MAPKAP1: variants seen among roughly 807,000 people sequenced by gnomAD.
MAPKAP1 encodes target of rapamycin complex 2 subunit MAPKAP1.
Under a neutral mutation model 65.7 loss-of-function variants are expected in MAPKAP1, and 20 were observed. That is an observed-to-expected ratio of 0.30 (90% CI 0.21 to 0.44). The LOEUF (loss-of-function observed/expected upper bound fraction) is 0.44, where lower values mean the gene tolerates loss of function less well. MAPKAP1 is among the 20% of genes least tolerant of loss of function. The pLI, the probability that MAPKAP1 is intolerant of heterozygous loss-of-function variation, is 1.00. For missense variants in MAPKAP1, 423 were observed against 648.0 expected, an observed-to-expected ratio of 0.65 and a Z score of 3.77; for synonymous variants, 222 against 244.3, an observed-to-expected ratio of 0.91 and a Z score of 0.85.
intron 1 of MAPKAP1, among the ~76,000 whole-genome samples, chr9:125,678,488 C>T (rs1350796598): frequency 2.0e-5 from 3 of 151,884 alleles, no homozygotes; most frequent in Admixed American, 6.6e-5. Flanking sequence ...GTGATCCGCC[C>T]GCCTTGGCAT....
At chr9:125,680,086 ATTTT>A (rs376323041) in intron 1 of MAPKAP1, among the ~76,000 whole-genome samples, 1 of 141,882 alleles carries the variant, frequency 7.0e-6, no homozygotes, top group Admixed American at 7.2e-5. Context: ...CAGATGCGAG[ATTTT>A]TTTTTTTTTT....
intron 5 of MAPKAP1, among the ~76,000 whole-genome samples, chr9:125,581,893 A>T (rs1313069887): frequency 6.6e-6 from 1 of 151,912 alleles, no homozygotes; most frequent in Non-Finnish European, 1.5e-5. Context: ...TGTTTTTAAC[A>T]TCAAACCCAC....
At chr9:125,664,740 A>AAAAAAAAG (rs56370851) in intron 3 of MAPKAP1, among the ~76,000 whole-genome samples, 17 of 146,442 alleles carry the variant, frequency 1.2e-4, no homozygotes, top group Non-Finnish European at 1.5e-5. Flanking sequence ...AAAAAAAAAA[A>AAAAAAAAG]GGAAAAGAAA....
chr9:125,508,497 A>G (rs184843423), intron 7 of MAPKAP1, among the ~76,000 whole-genome samples: 5 of 152,324 alleles, frequency 3.3e-5, no homozygotes, highest in African/African-American at 1.2e-4. Flanking sequence ...GTGCAGAAGC[A>G]ACTGACATCC....
intron 1 of MAPKAP1, among the ~76,000 whole-genome samples, chr9:125,696,737 C>T (rs2131865735): frequency 6.6e-6 from 1 of 152,292 alleles, no homozygotes; most frequent in Admixed American, 6.5e-5. Context: ...TTTACTTCCA[C>T]AGTCTTCCTA....
chr9:125,587,010 C>T (rs1013872045), intron 4 of MAPKAP1, among the ~76,000 whole-genome samples: 4 of 152,160 alleles, frequency 2.6e-5, no homozygotes, highest in Admixed American at 2.0e-4. Flanking sequence ...CAATGGGGAA[C>T]GTACAGTCTT....
chr9:125,635,853 C>T (rs1050097464), intron 4 of MAPKAP1, among the ~76,000 whole-genome samples: 5 of 152,150 alleles, frequency 3.3e-5, no homozygotes, highest in East Asian at 1.9e-4. Flanking sequence ...TCAAAGCAGG[C>T]GTAGCAGTTT....
chr9:125,622,034 T>C (rs1391378739), intron 4 of MAPKAP1, among the ~76,000 whole-genome samples: 2 of 152,142 alleles, frequency 1.3e-5, no homozygotes, highest in East Asian at 3.9e-4. Flanking sequence ...AGTCAGGCAC[T>C]GAAAGATAAA....
intron 8 of MAPKAP1, among the ~76,000 whole-genome samples, chr9:125,485,062 C>T (rs1425165427): frequency 6.6e-6 from 1 of 152,152 alleles, no homozygotes; most frequent in African/African-American, 2.4e-5. Flanking sequence ...GGATTTCACT[C>T]GTTCCCCATA....
chr9:125,464,127 G>A, intron 10 of MAPKAP1, among the ~76,000 whole-genome samples: 1 of 150,040 alleles, frequency 6.7e-6, no homozygotes, highest in East Asian at 2.0e-4. Context: ...TATTTGGTGG[G>A]TTGAGGTGGG....
At chr9:125,672,256 T>C in intron 2 of MAPKAP1, 60 bp downstream of exon 2, 2 of 1,573,540 alleles carry the variant, frequency 1.3e-6, no homozygotes, top group Non-Finnish European at 1.7e-6. Context: ...TTATGCATTA[T>C]TCCATAAGAC....
At chr9:125,500,301 C>T (rs1055858108) in intron 8 of MAPKAP1, among the ~76,000 whole-genome samples, 3 of 151,836 alleles carry the variant, frequency 2.0e-5, no homozygotes, top group African/African-American at 4.8e-5. Flanking sequence ...CATTCTCCTG[C>T]CTCAGCCTCC....
chr9:125,613,007 T>A (rs1420078471), intron 4 of MAPKAP1, among the ~76,000 whole-genome samples: 3 of 152,222 alleles, frequency 2.0e-5, no homozygotes, highest in Non-Finnish European at 2.9e-5. Context: ...CATAAGGATC[T>A]GGGTCATCAT....
intron 7 of MAPKAP1, among the ~76,000 whole-genome samples, chr9:125,518,921 T>C (rs1829540895): frequency 6.6e-6 from 1 of 152,242 alleles, no homozygotes; most frequent in African/African-American, 2.4e-5. Flanking sequence ...GAGGAAGGTA[T>C]ACCAGCAAAG....
chr9:125,595,744 C>A lies in MAPKAP1; in HGVS notation c.499-10017G>T. 1 of 1,438,786 alleles carries A rather than the reference C, an allele frequency of 7.0e-7. No homozygotes were observed. Among genetic ancestry groups the A allele is most frequent in the Non-Finnish European group, 9.6e-7 (1 of 1,040,614 alleles). The allele number at this position is 1,438,786 out of a possible 1,614,324, so 89.1% of individuals were successfully genotyped here. ...TTGGAGGGTTGAGCTTTGAAACAAC[C>A]AATGAGAGCAAGAGGAGCCATTGTG... On this transcript the variant is annotated intron_variant, in intron 4 of 11. Transcript: ENST00000265960. This position sits in a 1 kb window ranked among gnomAD's most constrained non-coding sequence, Gnocchi z 4.0.
chr9:125,481,139 C>T (rs1333084770), intron 9 of MAPKAP1, among the ~76,000 whole-genome samples: 1 of 152,164 alleles, frequency 6.6e-6, no homozygotes, highest in Non-Finnish European at 1.5e-5. Flanking sequence ...AGTGGCAAGG[C>T]TGGGATTCAA....
intron 4 of MAPKAP1, among the ~76,000 whole-genome samples, chr9:125,594,417 G>A (rs1394267987): frequency 6.6e-6 from 1 of 152,158 alleles, no homozygotes; most frequent in Non-Finnish European, 1.5e-5. Flanking sequence ...TCGGAATCCT[G>A]GCTTTACCAC....
At chr9:125,704,442 A>G (rs569478202) in intron 1 of MAPKAP1, among the ~76,000 whole-genome samples, 1 of 152,258 alleles carries the variant, frequency 6.6e-6, no homozygotes, top group East Asian at 1.9e-4. Flanking sequence ...TCTACCTTAG[A>G]ACCCACAGTA....
chr9:125,562,463 T>A (rs1046113422), intron 5 of MAPKAP1, among the ~76,000 whole-genome samples: 1 of 152,222 alleles, frequency 6.6e-6, no homozygotes, highest in Non-Finnish European at 1.5e-5. Context: ...CAGTAAAGTC[T>A]AGCAGTAAAT....
Sources: allele counts gnomAD v4.1 joint callset (sites outside exome capture counted in the v4.1 genomes callset), GRCh38; gene constraint gnomAD v4.1.1; non-coding constraint Gnocchi (gnomAD v3.1); transcripts MANE v1.5; gene names NCBI Gene and HGNC (gene_info 2026-07-23, HGNC 2026-07-21).